Variants in TRIM5 observed in about 807,000 individuals in gnomAD.
The protein encoded by TRIM5 is tripartite motif-containing protein 5.
In TRIM5, 31 loss-of-function variants were observed where a neutral mutation model predicts 35.6. The ratio of observed to expected loss-of-function variants is 0.87; its 90% CI spans 0.65 to 1.18. TRIM5 has a LOEUF of 1.18. Ranked by LOEUF, TRIM5 falls within the 50% of genes most tolerant of loss-of-function variation. TRIM5 has a pLI of 0.00. For synonymous variants in TRIM5, 243 were observed against 215.6 expected (o/e 1.13, Z -1.11); for missense variants, 609 against 591.6 (o/e 1.03, Z -0.31).
chr11:5,597,461 G>A, the TRIM5 span, among the ~76,000 whole-genome samples: 1 of 152,098 alleles, frequency 6.6e-6, no homozygotes, highest in Non-Finnish European at 1.5e-5. Context: ...AACTGATTAT[G>A]TTCCAATTCA....
the TRIM5 span, chr11:5,641,301 T>G: frequency 6.4e-7 from 1 of 1,574,392 alleles, no homozygotes; most frequent in Non-Finnish European, 8.6e-7. Context: ...TAGTAAAATT[T>G]GGATGTATCG....
the TRIM5 span, among the ~76,000 whole-genome samples, chr11:5,653,547 A>C: frequency 1.4e-5 from 2 of 145,028 alleles, no homozygotes; most frequent in Non-Finnish European, 3.0e-5. Context: ...GCTGGAGTGC[A>C]GTGGAGTGAT....
chr11:5,630,406 C>T, the TRIM5 span, among the ~76,000 whole-genome samples: 11 of 152,250 alleles, frequency 7.2e-5, no homozygotes, highest in African/African-American at 1.4e-4. Context: ...CCATCCCTGC[C>T]CCCACCTCCT....
At chr11:5,613,851 AAAG>A in the TRIM5 span, among the ~76,000 whole-genome samples, 9 of 152,234 alleles carry the variant, frequency 5.9e-5, no homozygotes, top group South Asian at 2.1e-4. Context: ...GCTAACTTAA[AAAG>A]AAGATTTTGG....
the TRIM5 span, chr11:5,610,206 C>T: frequency 6.8e-6 from 11 of 1,613,886 alleles, no homozygotes; most frequent in Non-Finnish European, 7.6e-6. Flanking sequence ...AAGTATGTTC[C>T]GAGCCCCAGA....
chr11:5,643,676 A>G, the TRIM5 span: 8 of 1,611,202 alleles, frequency 5.0e-6, no homozygotes, highest in Non-Finnish European at 5.9e-6. Context: ...GGAACTGTCC[A>G]GCTCCCATGA....
At chr11:5,670,150 G>A (rs949883998) in intron 4 of TRIM5, among the ~76,000 whole-genome samples, 1 of 144,956 alleles carries the variant, frequency 6.9e-6, no homozygotes, top group Non-Finnish European at 1.5e-5. Context: ...GCATTTGTCT[G>A]TGTTGGATCA....
At chr11:5,597,104 G>C in the TRIM5 span, among the ~76,000 whole-genome samples, 1 of 152,264 alleles carries the variant, frequency 6.6e-6, no homozygotes, top group East Asian at 1.9e-4. Flanking sequence ...AGAAATGTGT[G>C]GTTAGGAGCA....
At chr11:5,605,956 C>T in the TRIM5 span, among the ~76,000 whole-genome samples, 2 of 152,296 alleles carry the variant, frequency 1.3e-5, no homozygotes, top group African/African-American at 4.8e-5. Context: ...CTGGCCTCTG[C>T]TCACTAGATG....
chr11:5,620,236 G>C, the TRIM5 span, among the ~76,000 whole-genome samples: 10 of 143,124 alleles, frequency 7.0e-5, no homozygotes, highest in Non-Finnish European at 6.0e-5. Context: ...GGAGTGCGGC[G>C]GCGGGATCTC....
At chr11:5,605,612 G>C in the TRIM5 span, 1 of 1,561,444 alleles carries the variant, frequency 6.4e-7, no homozygotes, top group Non-Finnish European at 8.6e-7. Flanking sequence ...AAGGAAAAGA[G>C]AAACTAACTT....
chr11:5,597,598 A>T, the TRIM5 span, among the ~76,000 whole-genome samples: 5 of 152,170 alleles, frequency 3.3e-5, no homozygotes, highest in African/African-American at 1.2e-4. Flanking sequence ...TATAAATGCA[A>T]CTGCCACCTA....
At chr11:5,656,723 C>T in the TRIM5 span, among the ~76,000 whole-genome samples, 2 of 152,138 alleles carry the variant, frequency 1.3e-5, no homozygotes, top group African/African-American at 4.8e-5. Flanking sequence ...CCCATCATCA[C>T]TGGTTACTAG....
At chr11:5,611,390 C>A in the TRIM5 span, 1 of 1,400,272 alleles carries the variant, frequency 7.1e-7, no homozygotes, top group South Asian at 1.3e-5. Context: ...TGAGGCTTAT[C>A]AGCATGTGAT....
the TRIM5 span, chr11:5,643,114 C>CATAT: frequency 2.5e-3 from 1,211 of 491,050 alleles, 4 homozygotes; most frequent in East Asian, 2.7e-3. Flanking sequence ...TATTCATATA[C>CATAT]ATATATATAT....
chr11:5,642,182 C>G, the TRIM5 span, among the ~76,000 whole-genome samples: 3 of 152,124 alleles, frequency 2.0e-5, no homozygotes, highest in Non-Finnish European at 4.4e-5. Context: ...ACTGTGCTTT[C>G]AAGAAATGAA....
At chr11:5,602,165 G>A in the TRIM5 span, among the ~76,000 whole-genome samples, 1 of 152,212 alleles carries the variant, frequency 6.6e-6, no homozygotes, top group Non-Finnish European at 1.5e-5. Context: ...AATAGACCGG[G>A]TGCAGTGGCT....
the TRIM5 span, chr11:5,642,755 ATAGG>A: frequency 1.2e-6 from 2 of 1,604,536 alleles, no homozygotes; most frequent in Admixed American, 3.4e-5. Context: ...TAAAGAATAT[ATAGG>A]TATCAGTGCT....
chr11:5,657,040 A>G, the TRIM5 span, among the ~76,000 whole-genome samples: 1 of 152,244 alleles, frequency 6.6e-6, no homozygotes, highest in Non-Finnish European at 1.5e-5. Context: ...TATTCACAAT[A>G]GCAAAGATTT....
Sources: gnomAD v4.1 joint callset for allele counts (sites outside exome capture counted in the v4.1 genomes callset) on GRCh38, gnomAD v4.1.1 for gene constraint, MANE v1.5 for transcripts, NCBI Gene and HGNC (gene_info 2026-07-23, HGNC 2026-07-21) for gene names.